Variants in DYNC1I2 observed in about 807,000 individuals in gnomAD.
The protein encoded by DYNC1I2 is dynein cytoplasmic 1 intermediate chain 2.
DYNC1I2 carries 53 observed loss-of-function variants against 88.6 expected under a neutral mutation model. The observed-to-expected ratio is 0.60, with a 90% CI of 0.48 to 0.75. The LOEUF (loss-of-function observed/expected upper bound fraction) is 0.75, where lower values mean the gene tolerates loss of function less well. Ranked by LOEUF, DYNC1I2 falls within the 30% of genes least tolerant of loss-of-function variation. DYNC1I2 has a pLI of 0.00. For synonymous variants in DYNC1I2, 198 were observed against 254.6 expected (o/e 0.78, Z 2.12); for missense variants, 458 against 766.6 (o/e 0.60, Z 4.75).
At chr2:171,697,684 CAA>C (rs142133174) in intron 3 of DYNC1I2, among the ~76,000 whole-genome samples, 12 of 124,910 alleles carry the variant, frequency 9.6e-5, no homozygotes, top group Admixed American at 8.0e-5. Context: ...CCTGTCTCTA[CAA>C]AAAAAAAAAA....
At chr2:171,741,484 T>C (rs921679737) in intron 15 of DYNC1I2, among the ~76,000 whole-genome samples, 1 of 152,210 alleles carries the variant, frequency 6.6e-6, no homozygotes, top group African/African-American at 2.4e-5. Context: ...TGATACCTCA[T>C]TGTGGTTTTG....
At chr2:171,712,674 G>T in intron 5 of DYNC1I2, 93 bp from the exon 6 acceptor site, 1 of 880,086 alleles carries the variant, frequency 1.1e-6, no homozygotes, top group Non-Finnish European at 1.8e-6. Flanking sequence ...ATTGTGAATA[G>T]TACTTTAGCT....
At position 171,748,772 on chromosome 2, in the gene DYNC1I2, T is replaced by A. The variant is rs1209952361; in HGVS notation, c.*883T>A. On this transcript the variant is annotated 3_prime_UTR_variant, in exon 18 of 18. Coordinates refer to ENST00000397119, the MANE Select transcript of DYNC1I2 (RefSeq NM_001378.3). ...TGAGAGTAAAATCTTTGAGAGAAAT[T>A]GATTTCATGATTTCAGTAGCCATAA... is the stretch of plus-strand genomic sequence containing the variant. Among the ~76,000 whole-genome samples, 6 of 152,210 alleles carry A rather than the reference T, an allele frequency of 3.9e-5. No individual in the cohort carries two copies. Among genetic ancestry groups the A allele is most frequent in the Admixed American group, 3.9e-4 (6 of 15,280 alleles).
chr2:171,688,309 G>C (rs1388694990), intron 1 of DYNC1I2: 1 of 152,158 alleles, frequency 6.6e-6, no homozygotes, highest in East Asian at 1.9e-4. Flanking sequence ...CTCTTCTCTT[G>C]AGTTTTAAGA....
intron 1 of DYNC1I2, 101 bp from the exon 2 acceptor site, chr2:171,690,046 T>C: frequency 1.7e-6 from 1 of 602,200 alleles, no homozygotes; most frequent in Non-Finnish European, 2.7e-6. Flanking sequence ...TTTTTTGAGA[T>C]AGCATTGAAC....
At chr2:171,745,667 G>C (rs529128598) in intron 16 of DYNC1I2, 135 bp from the exon 17 acceptor site, 1 of 922,016 alleles carries the variant, frequency 1.1e-6, no homozygotes, top group African/African-American at 1.6e-5. Flanking sequence ...GAAGAAGAAA[G>C]TTGGGGAAAT....
chr2:171,692,466 A>C (rs1397382209), intron 2 of DYNC1I2, among the ~76,000 whole-genome samples: 2 of 152,140 alleles, frequency 1.3e-5, no homozygotes, highest in Non-Finnish European at 2.9e-5. Flanking sequence ...CTGACCATAG[A>C]CAGCAATTTC....
At chr2:171,712,677 C>A in intron 5 of DYNC1I2, 90 bp from the exon 6 acceptor site, 1 of 896,520 alleles carries the variant, frequency 1.1e-6, no homozygotes, top group Non-Finnish European at 1.8e-6. Flanking sequence ...GTGAATAGTA[C>A]TTTAGCTTTA....
intron 15 of DYNC1I2, among the ~76,000 whole-genome samples, chr2:171,734,110 G>A (rs1688840888): frequency 1.3e-5 from 2 of 152,100 alleles, no homozygotes; most frequent in African/African-American, 4.8e-5. Flanking sequence ...GATTGTAGGT[G>A]TGCGGTCTTA....
At chr2:171,746,846 C>A (rs1176517470) in intron 17 of DYNC1I2, among the ~76,000 whole-genome samples, 1 of 151,918 alleles carries the variant, frequency 6.6e-6, no homozygotes, top group African/African-American at 2.4e-5. Flanking sequence ...TGGTTTGTGC[C>A]CTAACATGAC....
chr2:171,695,163 G>A (rs1031961623), intron 3 of DYNC1I2, among the ~76,000 whole-genome samples: 1 of 151,716 alleles, frequency 6.6e-6, no homozygotes, highest in African/African-American at 2.4e-5. Flanking sequence ...GCAATCACGT[G>A]ATCTCAGCTC....
chr2:171,738,619 G>A (rs1332277756), intron 15 of DYNC1I2, among the ~76,000 whole-genome samples: 1 of 152,124 alleles, frequency 6.6e-6, no homozygotes, highest in Non-Finnish European at 1.5e-5. Flanking sequence ...ACCTAGAGTG[G>A]AATTACTTGG....
intron 15 of DYNC1I2, among the ~76,000 whole-genome samples, chr2:171,737,512 G>T (rs1212740050): frequency 6.6e-6 from 1 of 152,158 alleles, no homozygotes. Context: ...CCACCTCCCA[G>T]GTTCAAGCGA....
Position 171,692,774 on chromosome 2 carries a change from TAGAC to T in DYNC1I2, c.111_114del (p.Asp38ArgfsTer31). On this transcript the variant is annotated splice_acceptor_variant and coding_sequence_variant, in exon 3 of 18. Transcript: ENST00000397119. LOFTEE classifies it high-confidence loss of function. ...ACATAAGTTTTTAACCTAAACATTT[TAGAC>T]AGACCAGAAGAAGGAAGCTGTTGCT... 6.3e-7 allele frequency: 1 copy of T among 1,588,032 alleles called. No individual in the cohort carries two copies. Among genetic ancestry groups the T allele is most frequent in the Non-Finnish European group, 8.5e-7 (1 of 1,169,716 alleles).
intron 3 of DYNC1I2, among the ~76,000 whole-genome samples, chr2:171,693,506 T>G (rs1685540523): frequency 6.6e-6 from 1 of 152,220 alleles, no homozygotes; most frequent in Non-Finnish European, 1.5e-5. Context: ...CAGGAACAAA[T>G]GCTTACTTAA....
chr2:171,725,766 C>T, intron 8 of DYNC1I2, 53 bp downstream of exon 8: 1 of 924,768 alleles, frequency 1.1e-6, no homozygotes, highest in Non-Finnish European at 1.5e-6. Context: ...GTTAAGATTC[C>T]TTTTATTATG....
At chr2:171,698,347 C>G (rs1165637160) in intron 3 of DYNC1I2, among the ~76,000 whole-genome samples, 1 of 152,110 alleles carries the variant, frequency 6.6e-6, no homozygotes, top group African/African-American at 2.4e-5. Flanking sequence ...TCATAGTCAC[C>G]TCTAGGCATG....
At chr2:171,696,086 A>G (rs1685746233) in intron 3 of DYNC1I2, among the ~76,000 whole-genome samples, 1 of 152,072 alleles carries the variant, frequency 6.6e-6, no homozygotes, top group South Asian at 2.1e-4. Flanking sequence ...TTCTTTGTGT[A>G]TTTTGTATAT....
rs954225563 is a variant in DYNC1I2 at position 171,726,471 on chromosome 2, G to A, written c.870+178G>A. The A allele has an allele frequency of 1.2e-5, 7 of 566,644 alleles. No individual in the cohort carries two copies. The East Asian group carries it at 2.2e-4, about 17-fold the overall frequency. 35.1% of individuals were successfully genotyped at this position (566,644 alleles called of 1,614,324 possible). On this transcript the variant is annotated intron_variant, in intron 10 of 17. Coordinates refer to ENST00000397119, the MANE Select transcript of DYNC1I2 (RefSeq NM_001378.3). ...ATGTACTTTGGAAGAAAGATTAGAA[G>A]CATTATTTATATTTAAAATTCAGGA...
Sources: allele counts gnomAD v4.1 joint callset (sites outside exome capture counted in the v4.1 genomes callset), GRCh38; gene constraint gnomAD v4.1.1; transcripts MANE v1.5; gene names NCBI Gene and HGNC (gene_info 2026-07-23, HGNC 2026-07-21).